Variants in WDHD1 observed in about 807,000 individuals in gnomAD.
WDHD1 encodes the protein WD repeat and HMG-box DNA-binding protein 1.
Under a neutral mutation model 135.4 loss-of-function variants are expected in WDHD1, and 111 were observed. That is an observed-to-expected ratio of 0.82 (90% CI 0.70 to 0.96). WDHD1 has a LOEUF of 0.96. Ranked by LOEUF, WDHD1 falls within the 40% of genes least tolerant of loss-of-function variation. WDHD1 has a pLI of 0.00. For missense variants in WDHD1, 1,351 were observed against 1,336.3 expected (o/e 1.01, Z -0.17); for synonymous variants, 434 against 439.0 (o/e 0.99, Z 0.14).
chr14:54,944,279 T>G, intron 25 of WDHD1, 53 bp downstream of exon 25: 1 of 1,591,920 alleles, frequency 6.3e-7, no homozygotes, highest in Non-Finnish European at 8.5e-7. Context: ...CTATAAGAAT[T>G]TTTTAAATCT....
chr14:55,002,059 T>C (rs1566736732), intron 8 of WDHD1, 34 bp downstream of exon 8: 1 of 1,466,976 alleles, frequency 6.8e-7, no homozygotes, highest in South Asian at 1.2e-5. Flanking sequence ...CTGCTCCTTA[T>C]AGCCCACTGA....
rs765673363 is a variant in WDHD1, at chr14:55,008,309, A to G, written c.504+7T>C. ...AAAAAACTTTAAATTTAAATTGCTG[A>G]GTTTACCTGATCTGAAATTTGCCAC... On this transcript the variant is annotated splice_region_variant and intron_variant, in intron 6 of 25. Transcript: ENST00000360586. 7 of 1,612,798 alleles carry G rather than the reference A, an allele frequency of 4.3e-6. No homozygotes were observed. The highest frequency in any genetic ancestry group is 5.9e-6 in the Non-Finnish European group (7 of 1,179,400).
intron 10 of WDHD1, among the ~76,000 whole-genome samples, chr14:55,000,231 C>G (rs943976378): frequency 3.3e-5 from 5 of 151,986 alleles, no homozygotes; most frequent in Non-Finnish European, 5.9e-5. Flanking sequence ...AGTTTGCAGG[C>G]CAAACTGAGA....
intron 24 of WDHD1, among the ~76,000 whole-genome samples, chr14:54,945,245 T>G (rs545145604): frequency 6.6e-6 from 1 of 152,312 alleles, no homozygotes; most frequent in South Asian, 2.1e-4. Flanking sequence ...CACAGCACAT[T>G]TGTACATTTC....
chr14:54,978,387 A>C (rs1346355292), intron 16 of WDHD1, among the ~76,000 whole-genome samples: 1 of 152,188 alleles, frequency 6.6e-6, no homozygotes, highest in Non-Finnish European at 1.5e-5. Flanking sequence ...ATTAGAGGTC[A>C]ATCTGGGCAA....
rs1311826986 is a variant in WDHD1, at chr14:55,008,823, CG to C, written c.342-105del. 7 of 846,880 alleles carry C rather than the reference CG, an allele frequency of 8.3e-6. No individual in the cohort carries two copies. In the East Asian group the frequency reaches 2.0e-4, roughly 24 times the overall value. 52.5% of individuals were successfully genotyped at this position (846,880 alleles called of 1,614,324 possible). ...TTTTTTTTTTTTTTTCTTTTTGAGA[CG>C]GAGTCTCACTCTGTCACCCAGGCTG... On this transcript the variant is annotated intron_variant, in intron 4 of 25. Transcript: ENST00000360586.
rs150528664 is a variant in WDHD1 at position 54,990,327 on chromosome 14, G to A, written c.1341+886C>T. On this transcript the variant is annotated intron_variant, in intron 12 of 25. Transcript: ENST00000360586. ...TTTTTAAGAACTCAGGCCAGGCGCG[G>A]TGGCTCACGCCTGTAATCCCAGCAC... Among the ~76,000 whole-genome samples, 1,107 of 152,192 alleles carry A rather than the reference G, an allele frequency of 7.3e-3. 17 individuals are homozygous for A. The highest frequency in any genetic ancestry group is 0.028 in the Admixed American group (433 of 15,282).
At chr14:54,943,266 A>C (rs2040867096) in intron 25 of WDHD1, among the ~76,000 whole-genome samples, 2 of 152,210 alleles carry the variant, frequency 1.3e-5, no homozygotes, top group African/African-American at 4.8e-5. Flanking sequence ...CTGGAACAGA[A>C]CACCAGTCTT....
At chr14:54,959,790 C>G (rs531417925) in intron 21 of WDHD1, among the ~76,000 whole-genome samples, 6 of 151,912 alleles carry the variant, frequency 3.9e-5, no homozygotes, top group South Asian at 2.1e-4. Flanking sequence ...CCGCACCCCC[C>G]CCACCAAACA....
intron 3 of WDHD1, 23 bp downstream of exon 3, chr14:55,013,462 A>G (rs1397571323): frequency 1.2e-5 from 18 of 1,518,158 alleles, no homozygotes; most frequent in East Asian, 6.8e-5. Context: ...TTTCATATCA[A>G]TTGATATAAC....
At chr14:55,024,392 T>A (rs1468536890) in intron 2 of WDHD1, among the ~76,000 whole-genome samples, 1 of 152,254 alleles carries the variant, frequency 6.6e-6, no homozygotes, top group East Asian at 1.9e-4. Flanking sequence ...AACCGTAACA[T>A]TCAGAAATGT....
At chr14:54,972,260 G>A (rs2041447524) in intron 16 of WDHD1, among the ~76,000 whole-genome samples, 2 of 147,246 alleles carry the variant, frequency 1.4e-5, no homozygotes, top group Middle Eastern at 3.5e-3. Flanking sequence ...GGGAGACAGA[G>A]TGAGACTCGG....
At position 55,002,080 on chromosome 14, in the gene WDHD1, T is replaced by C; in HGVS notation, c.693+13A>G. On this transcript the variant is annotated intron_variant, in intron 8 of 25. Transcript: ENST00000360586. ...CTTATAGCCCACTGAAAGTGTCACTTTGTAAAACCTACCTGAGAGATGAAA... is the reference window on the plus strand; with the variant it reads ...CTTATAGCCCACTGAAAGTGTCACTCTGTAAAACCTACCTGAGAGATGAAA... 6.3e-7 allele frequency: 1 copy of C among 1,588,840 alleles called. No homozygotes were observed. Among genetic ancestry groups the C allele is most frequent in the East Asian group, 2.2e-5 (1 of 44,592 alleles).
At chr14:54,994,629 C>T (rs1011067927) in intron 11 of WDHD1, among the ~76,000 whole-genome samples, 19 of 151,830 alleles carry the variant, frequency 1.3e-4, no homozygotes, top group South Asian at 2.1e-4. Flanking sequence ...GGCGTGGTGG[C>T]GCATGCCTGT....
intron 11 of WDHD1, among the ~76,000 whole-genome samples, chr14:54,994,000 T>C (rs1040887123): frequency 5.3e-5 from 8 of 152,222 alleles, no homozygotes; most frequent in African/African-American, 1.4e-4. Context: ...AAGCACAACA[T>C]AGCACTGCAC....
rs772933244 is a variant in WDHD1 at position 54,940,672 on chromosome 14, A to G, written c.*818T>C. The stretch of plus-strand genomic sequence containing the variant: ...TTCTCAGGCCTTCAAAGTCTTGCTC[A>G]GTAAAGTACTGTTGATGCTGATAAT... On this transcript the variant is annotated 3_prime_UTR_variant, in exon 26 of 26. Coordinates refer to ENST00000360586, the MANE Select transcript of WDHD1 (RefSeq NM_007086.4). 3.3e-5 allele frequency: 5 copies of G among 152,192 alleles called. No individual in the cohort carries two copies. The highest frequency in any genetic ancestry group is 6.6e-5 in the Admixed American group (1 of 15,266). The allele number at this position is 152,192 out of a possible 1,614,324, so 9.4% of individuals were successfully genotyped here.
intron 16 of WDHD1, among the ~76,000 whole-genome samples, chr14:54,969,107 C>T (rs569309509): frequency 1.3e-4 from 20 of 152,112 alleles, no homozygotes; most frequent in East Asian, 5.8e-4. Flanking sequence ...GGCACGATCT[C>T]GGCTCACTGC....
intron 24 of WDHD1, 128 bp from the exon 25 acceptor site, chr14:54,944,598 A>C: frequency 6.6e-6 from 5 of 756,154 alleles, no homozygotes; most frequent in Non-Finnish European, 9.4e-6. Context: ...ACACAGTTAC[A>C]CTTGTTAATT....
At chr14:54,964,592 T>A (rs1002567224) in intron 18 of WDHD1, among the ~76,000 whole-genome samples, 6 of 151,182 alleles carry the variant, frequency 4.0e-5, no homozygotes, top group Admixed American at 3.3e-4. Flanking sequence ...TGAGCAGAGA[T>A]CGCGCCACTG....
Sources: gnomAD v4.1 joint callset for allele counts (sites outside exome capture counted in the v4.1 genomes callset) on GRCh38, gnomAD v4.1.1 for gene constraint, MANE v1.5 for transcripts, NCBI Gene and HGNC (gene_info 2026-07-23, HGNC 2026-07-21) for gene names.